Variants in AGMO observed in about 807,000 individuals in gnomAD.
AGMO encodes alkylglycerol monooxygenase.
Under a neutral mutation model 60.2 loss-of-function variants are expected in AGMO, and 75 were observed. The ratio of observed to expected loss-of-function variants is 1.25; its 90% confidence interval spans 1.03 to 1.51. The LOEUF (loss-of-function observed/expected upper bound fraction) is 1.51. Ranked by LOEUF, AGMO falls within the 40% of genes most tolerant of loss-of-function variation. The probability of loss-of-function intolerance (pLI) is 0.00; values close to 1 mark genes in which losing one functional copy is unlikely to be tolerated. For synonymous variants in AGMO, 261 were observed against 177.1 expected (o/e 1.47, Z -3.76); for missense variants, 763 against 525.5 (o/e 1.45, Z -4.42).
the AGMO span, among the ~76,000 whole-genome samples, chr7:15,192,646 C>T: frequency 6.6e-6 from 1 of 152,142 alleles, no homozygotes; most frequent in Non-Finnish European, 1.5e-5. Context: ...CTCCACTGAG[C>T]TGATTAACAC....
chr7:15,187,927 C>T, the AGMO span, among the ~76,000 whole-genome samples: 3 of 151,970 alleles, frequency 2.0e-5, no homozygotes, highest in African/African-American at 2.4e-5. Flanking sequence ...GCATCTGGCT[C>T]CAACCTCACA....
At chr7:15,122,673 T>A in the AGMO span, among the ~76,000 whole-genome samples, 1 of 152,112 alleles carries the variant, frequency 6.6e-6, no homozygotes, top group Non-Finnish European at 1.5e-5. Flanking sequence ...AGTCTTCTAT[T>A]TCTCTAACAG....
chr7:15,177,905 T>C, the AGMO span, among the ~76,000 whole-genome samples: 4 of 152,302 alleles, frequency 2.6e-5, no homozygotes, highest in Admixed American at 6.5e-5. Flanking sequence ...ATGACTCCGA[T>C]GTCCACCATA....
intron 3 of AGMO, among the ~76,000 whole-genome samples, chr7:15,445,778 A>T (rs751872904): frequency 6.6e-6 from 1 of 152,190 alleles, no homozygotes; most frequent in Non-Finnish European, 1.5e-5. Context: ...AGGGATGTTC[A>T]TATGGTTCTG....
chr7:15,360,025 T>G (rs569694209), intron 12 of AGMO, among the ~76,000 whole-genome samples: 8 of 152,330 alleles, frequency 5.3e-5, no homozygotes, highest in African/African-American at 1.4e-4. Context: ...AGTGGTAATG[T>G]TAGTTGTACT....
downstream of AGMO, among the ~76,000 whole-genome samples, chr7:15,198,286 C>A (rs898524535): frequency 2.2e-5 from 3 of 136,386 alleles, no homozygotes; most frequent in East Asian, 2.4e-4. Flanking sequence ...TGTTAAAGTC[C>A]TTCCAGTAAG....
At chr7:15,219,312 A>T (rs976362027) in intron 12 of AGMO, among the ~76,000 whole-genome samples, 2 of 152,182 alleles carry the variant, frequency 1.3e-5, no homozygotes, top group Admixed American at 6.5e-5. Context: ...GGAAAGTGGC[A>T]GAATGAAGTG....
At chr7:15,358,514 G>C (rs532472562) in intron 12 of AGMO, 3 of 455,900 alleles carry the variant, frequency 6.6e-6, no homozygotes, top group South Asian at 3.2e-5. Flanking sequence ...TGAATTAGGA[G>C]GGTAAGAATC....
intron 12 of AGMO, among the ~76,000 whole-genome samples, chr7:15,260,597 T>C (rs775009282): frequency 9.9e-5 from 15 of 152,070 alleles, no homozygotes; most frequent in East Asian, 3.9e-4. Flanking sequence ...CTGACAGCAC[T>C]AGACAGGTCA....
the AGMO span, among the ~76,000 whole-genome samples, chr7:15,151,773 T>G: frequency 6.6e-6 from 1 of 152,144 alleles, no homozygotes; most frequent in Non-Finnish European, 1.5e-5. Flanking sequence ...ATGGGAAGAA[T>G]GTGTATTCTT....
chr7:15,264,031 A>G (rs1563060182), intron 12 of AGMO, among the ~76,000 whole-genome samples: 1 of 152,198 alleles, frequency 6.6e-6, no homozygotes, highest in East Asian at 1.9e-4. Flanking sequence ...TCATGTAACC[A>G]AACACCTCCT....
chr7:15,548,568 G>T (rs368057249), intron 2 of AGMO, among the ~76,000 whole-genome samples: 1 of 151,938 alleles, frequency 6.6e-6, no homozygotes, highest in African/African-American at 2.4e-5. Context: ...GGGTATCAGC[G>T]ATGGAAGATG....
intron 3 of AGMO, among the ~76,000 whole-genome samples, chr7:15,447,245 T>TC (rs1161156628): frequency 6.6e-6 from 1 of 152,178 alleles, no homozygotes; most frequent in Non-Finnish European, 1.5e-5. Context: ...GACCCTTTTT[T>TC]CCCAGACGTA....
intron 12 of AGMO, among the ~76,000 whole-genome samples, chr7:15,261,960 A>G (rs982564904): frequency 4.6e-5 from 7 of 152,090 alleles, no homozygotes; most frequent in African/African-American, 9.7e-5. Context: ...TTATGATTAA[A>G]CCCTCAGAAA....
At chr7:15,231,170 C>T (rs769742167) in intron 12 of AGMO, among the ~76,000 whole-genome samples, 34 of 152,126 alleles carry the variant, frequency 2.2e-4, no homozygotes, top group Non-Finnish European at 4.0e-4. Context: ...TTAATTTCTC[C>T]GTAATTCCTA....
At chr7:15,496,410 G>A (rs977463102) in intron 3 of AGMO, among the ~76,000 whole-genome samples, 1 of 152,014 alleles carries the variant, frequency 6.6e-6, no homozygotes, top group Non-Finnish European at 1.5e-5. Context: ...CAGAGAAAAG[G>A]GCAGGGATGC....
At chr7:15,497,733 A>T (rs75261683) in intron 3 of AGMO, among the ~76,000 whole-genome samples, 2,915 of 152,180 alleles carry the variant, frequency 0.019, 92 homozygotes, top group African/African-American at 0.065. Flanking sequence ...TAATGACTAT[A>T]TATTTCCTCA....
At chr7:15,395,866 C>A (rs1327672807) in intron 5 of AGMO, among the ~76,000 whole-genome samples, 1 of 152,038 alleles carries the variant, frequency 6.6e-6, no homozygotes, top group Non-Finnish European at 1.5e-5. Context: ...ATTAAAACAC[C>A]CAATTTACAG....
chr7:15,353,476 G>GGA (rs1198742075), intron 12 of AGMO, among the ~76,000 whole-genome samples: 1 of 151,898 alleles, frequency 6.6e-6, no homozygotes, highest in African/African-American at 2.4e-5. Flanking sequence ...ACTCTTGGGG[G>GGA]GAATCCCTGC....
Sources: gnomAD v4.1 joint callset for allele counts (sites outside exome capture counted in the v4.1 genomes callset) on GRCh38, gnomAD v4.1.1 for gene constraint, MANE v1.5 for transcripts, NCBI Gene and HGNC (gene_info 2026-07-23, HGNC 2026-07-21) for gene names.